The following TMEM267 variants were observed in gnomAD, a reference collection of about 807,000 sequenced individuals.
TMEM267 encodes transmembrane protein 267.
In TMEM267, 20 loss-of-function variants were observed where a neutral mutation model predicts 19.3. That is an observed-to-expected ratio of 1.04 (90% CI 0.73 to 1.51). TMEM267 has a LOEUF of 1.51. Among genes scored for constraint, TMEM267 ranks in the 40% most tolerant of loss-of-function variants. TMEM267 has a pLI of 0.00. For synonymous variants in TMEM267, 88 were observed against 90.3 expected, an observed-to-expected ratio of 0.97 and a Z score of 0.15; for missense variants, 242 against 261.9, an observed-to-expected ratio of 0.92 and a Z score of 0.52.
chr5:43,456,271 C>CAAA (rs1464823879), intron 1 of TMEM267, among the ~76,000 whole-genome samples: 1 of 152,134 alleles, frequency 6.6e-6, no homozygotes, highest in African/African-American at 2.4e-5. Flanking sequence ...ACTCCATATA[C>CAAA]AAAAATTATC....
At chr5:43,473,042 G>A (rs1307875511) in intron 1 of TMEM267, among the ~76,000 whole-genome samples, 2 of 149,156 alleles carry the variant, frequency 1.3e-5, no homozygotes, top group Admixed American at 1.4e-4. Context: ...GGAGGCTGAG[G>A]CAGGAGAATC....
Position 43,454,001 on chromosome 5 carries a change from CA to C in TMEM267, c.-33del. ...CAATATGTTAGTATAGACTAAAAGC[CA>C]TCAGGAATGAACAGTCTATTCTTGT... is the stretch of plus-strand genomic sequence containing the variant. On this transcript the variant is annotated 5_prime_UTR_variant, in exon 2 of 3. The change abolishes an upstream ATG in the 5' untranslated region. Coordinates refer to ENST00000397080, the MANE Select transcript of TMEM267 (RefSeq NM_022483.5). The C allele has an allele frequency of 6.3e-7, 1 of 1,599,338 alleles. No individual in the cohort carries two copies. The highest frequency in any genetic ancestry group is 8.5e-7 in the Non-Finnish European group (1 of 1,171,956).
chr5:43,477,363 C>T (rs1332376129), intron 1 of TMEM267, among the ~76,000 whole-genome samples: 2 of 151,928 alleles, frequency 1.3e-5, no homozygotes, highest in African/African-American at 2.4e-5. Flanking sequence ...CCGAGGTGGG[C>T]GGATCATGAG....
intron 1 of TMEM267, among the ~76,000 whole-genome samples, chr5:43,466,161 A>G (rs1743658702): frequency 1.3e-5 from 2 of 152,158 alleles, no homozygotes; most frequent in Admixed American, 6.5e-5. Flanking sequence ...TAGAACACCA[A>G]GTACATTTAA....
chr5:43,482,567 A>T (rs1744850966), intron 1 of TMEM267, among the ~76,000 whole-genome samples: 1 of 152,268 alleles, frequency 6.6e-6, no homozygotes, highest in Non-Finnish European at 1.5e-5. Flanking sequence ...AGTGTGCTCA[A>T]GGTATTTAAT....
intron 1 of TMEM267, among the ~76,000 whole-genome samples, chr5:43,467,130 CAGAG>C (rs1438354091): frequency 1.0e-5 from 1 of 95,772 alleles, no homozygotes; most frequent in African/African-American, 4.2e-5. Flanking sequence ...GTCTGGGCAA[CAGAG>C]AGAGACTCTG....
intron 1 of TMEM267, 49 bp from the exon 2 acceptor site, chr5:43,454,092 TATA>T: frequency 1.6e-6 from 2 of 1,273,588 alleles, no homozygotes; most frequent in Non-Finnish European, 2.1e-6. Context: ...TGGACTACCA[TATA>T]ATATTTAAAC....
At chr5:43,459,830 T>C (rs1487931857) in intron 1 of TMEM267, among the ~76,000 whole-genome samples, 1 of 152,234 alleles carries the variant, frequency 6.6e-6, no homozygotes, top group East Asian at 1.9e-4. Context: ...ACTGGTTTTG[T>C]GGAAGACAAT....
In TMEM267 at chr5:43,445,997, T is replaced by C. The variant is rs1742211795; in HGVS notation, c.*225A>G. ...CAGTAAAAATATATTGTGGAATAAA[T>C]GAAACTCTAATATTGCACTAGAGTT... On this transcript the variant is annotated 3_prime_UTR_variant, in exon 3 of 3. Transcript: ENST00000397080. The C allele has an allele frequency of 3.5e-6, 1 of 283,916 alleles. No homozygotes were observed. The highest frequency in any genetic ancestry group is 2.2e-5 in the African/African-American group (1 of 45,924). The allele number at this position is 283,916 out of a possible 1,614,324, so 17.6% of individuals were successfully genotyped here.
At chr5:43,464,067 G>C (rs1743453757) in intron 1 of TMEM267, among the ~76,000 whole-genome samples, 1 of 152,044 alleles carries the variant, frequency 6.6e-6, no homozygotes, top group Admixed American at 6.6e-5. Context: ...CATTGTCTCA[G>C]CCCAAAATCT....
chr5:43,447,938 C>T (rs1454770338), intron 2 of TMEM267, among the ~76,000 whole-genome samples: 1 of 151,754 alleles, frequency 6.6e-6, no homozygotes, highest in Admixed American at 6.6e-5. Context: ...CTGGGGGAGA[C>T]GATGGTAAGA....
intron 2 of TMEM267, among the ~76,000 whole-genome samples, chr5:43,448,301 TG>T (rs1742373420): frequency 1.3e-5 from 2 of 152,242 alleles, no homozygotes; most frequent in South Asian, 4.1e-4. Flanking sequence ...ATTCTACTTT[TG>T]TCTTCACCTT....
At chr5:43,454,191 T>C (rs917698515) in intron 1 of TMEM267, 148 bp from the exon 2 acceptor site, 32 of 434,078 alleles carry the variant, frequency 7.4e-5, no homozygotes, top group Non-Finnish European at 1.2e-4. Flanking sequence ...ATATGTCACA[T>C]AGCCCAAGGA....
chr5:43,449,869 C>T (rs1425808883), intron 2 of TMEM267, among the ~76,000 whole-genome samples: 2 of 152,154 alleles, frequency 1.3e-5, no homozygotes, highest in Non-Finnish European at 2.9e-5. Flanking sequence ...GATATGTTTA[C>T]AGCCATACTG....
chr5:43,467,109 A>AT (rs1347742446), intron 1 of TMEM267, among the ~76,000 whole-genome samples: 1 of 144,426 alleles, frequency 6.9e-6, no homozygotes, highest in African/African-American at 2.6e-5. Context: ...AGACTGTGCC[A>AT]TTGCACTCCA....
chr5:43,465,425 A>C (rs1172948944), intron 1 of TMEM267, among the ~76,000 whole-genome samples: 3 of 152,206 alleles, frequency 2.0e-5, no homozygotes, highest in Non-Finnish European at 4.4e-5. Context: ...GGGATCTAGA[A>C]CTAGAAATAC....
chr5:43,454,276 GC>G (rs1742806984), intron 1 of TMEM267, among the ~76,000 whole-genome samples: 1 of 144,814 alleles, frequency 6.9e-6, no homozygotes, highest in Non-Finnish European at 1.5e-5. Flanking sequence ...ATTTCAGAAA[GC>G]CCACCAACTG....
At chr5:43,466,090 T>C (rs1743653118) in intron 1 of TMEM267, among the ~76,000 whole-genome samples, 1 of 152,106 alleles carries the variant, frequency 6.6e-6, no homozygotes, top group South Asian at 2.1e-4. Flanking sequence ...GAAAGTTTAT[T>C]GAATGGGATA....
At chr5:43,455,224 G>C (rs1742872215) in intron 1 of TMEM267, among the ~76,000 whole-genome samples, 1 of 152,074 alleles carries the variant, frequency 6.6e-6, no homozygotes. Context: ...AGGAGCTCGA[G>C]ACCAACCTGG....
Sources: allele counts gnomAD v4.1 joint callset (sites outside exome capture counted in the v4.1 genomes callset), GRCh38; gene constraint gnomAD v4.1.1; transcripts MANE v1.5; gene names NCBI Gene and HGNC (gene_info 2026-07-23, HGNC 2026-07-21).